Variants in EEIG2 observed in about 807,000 individuals in gnomAD.
EEIG2 encodes the protein EEIG family member 2.
At chr1:108,569,788 T>C in the EEIG2 span, among the ~76,000 whole-genome samples, 1 of 152,190 alleles carries the variant, frequency 6.6e-6, no homozygotes, top group Admixed American at 6.5e-5. Flanking sequence ...TATCCTCTCC[T>C]TCACCCTTCT....
chr1:108,588,777 G>T, the EEIG2 span, among the ~76,000 whole-genome samples: 1 of 147,808 alleles, frequency 6.8e-6, no homozygotes. Flanking sequence ...TATATATTTG[G>T]GATATTAACC....
At chr1:108,632,453 CAT>C in the EEIG2 span, among the ~76,000 whole-genome samples, 1 of 152,044 alleles carries the variant, frequency 6.6e-6, no homozygotes, top group Non-Finnish European at 1.5e-5. Flanking sequence ...ATCAGATTGG[CAT>C]TTTAGAAAAA....
At chr1:108,575,002 C>A in the EEIG2 span, among the ~76,000 whole-genome samples, 1 of 152,234 alleles carries the variant, frequency 6.6e-6, no homozygotes, top group Admixed American at 6.5e-5. Context: ...TCAACTAATG[C>A]GATTTAGTAG....
chr1:108,637,644 AC>A, the EEIG2 span: 18 of 152,156 alleles, frequency 1.2e-4, no homozygotes, highest in Admixed American at 9.2e-4. Context: ...TGTATACAAT[AC>A]TTTTTCTAAT....
chr1:108,578,105 G>A, the EEIG2 span, among the ~76,000 whole-genome samples: 2 of 137,710 alleles, frequency 1.5e-5, no homozygotes, highest in African/African-American at 5.6e-5. Flanking sequence ...CTGTTTGTCT[G>A]TTGTTGGTGT....
the EEIG2 span, chr1:108,612,118 G>A: frequency 8.6e-7 from 1 of 1,158,036 alleles, no homozygotes; most frequent in South Asian, 1.6e-5. Flanking sequence ...TTTATTTTAA[G>A]GAGCATATGA....
the EEIG2 span, among the ~76,000 whole-genome samples, chr1:108,590,633 C>T: frequency 1.3e-5 from 2 of 152,170 alleles, no homozygotes; most frequent in Non-Finnish European, 2.9e-5. Flanking sequence ...TGACAGTTGG[C>T]AGGGAGCAGA....
At chr1:108,560,846 A>G in the EEIG2 span, among the ~76,000 whole-genome samples, 1 of 152,146 alleles carries the variant, frequency 6.6e-6, no homozygotes, top group Non-Finnish European at 1.5e-5. Flanking sequence ...GTTTTCTCTT[A>G]AGACATTTCC....
the EEIG2 span, among the ~76,000 whole-genome samples, chr1:108,572,985 T>A: frequency 2.0e-5 from 3 of 152,380 alleles, no homozygotes; most frequent in Middle Eastern, 0.01. Flanking sequence ...CTGGATATAC[T>A]ATGGTTTACC....
the EEIG2 span, among the ~76,000 whole-genome samples, chr1:108,573,447 A>G: frequency 0.81 from 122,703 of 152,164 alleles, 51,887 homozygotes; most frequent in Non-Finnish European, 0.94. Context: ...AGTACCTCAT[A>G]TAGCCTTGGC....
chr1:108,596,735 CTGTTTTTT>C, the EEIG2 span, among the ~76,000 whole-genome samples: 1 of 150,996 alleles, frequency 6.6e-6, no homozygotes, highest in Non-Finnish European at 1.5e-5. Context: ...TGCTATTTTT[CTGTTTTTT>C]TGTTTTTTTT....
chr1:108,635,302 T>C, the EEIG2 span: 1 of 897,862 alleles, frequency 1.1e-6, no homozygotes, highest in Admixed American at 2.3e-5. Flanking sequence ...CCCACCGCCA[T>C]CCTGTACCAG....
chr1:108,606,864 T>C, the EEIG2 span, among the ~76,000 whole-genome samples: 1 of 152,190 alleles, frequency 6.6e-6, no homozygotes, highest in African/African-American at 2.4e-5. Context: ...GGTCTTGCTA[T>C]GTTACCCAGG....
chr1:108,594,242 C>T, the EEIG2 span, among the ~76,000 whole-genome samples: 1,444 of 152,158 alleles, frequency 9.5e-3, 23 homozygotes, highest in African/African-American at 0.033. Flanking sequence ...CAAGAAACTG[C>T]AAAGAAATAG....
chr1:108,613,911 C>T, the EEIG2 span, among the ~76,000 whole-genome samples: 1 of 152,054 alleles, frequency 6.6e-6, no homozygotes, highest in African/African-American at 2.4e-5. Flanking sequence ...TTTTCCTCCT[C>T]CTCATCTCAG....
chr1:108,606,684 A>T, the EEIG2 span, among the ~76,000 whole-genome samples: 1 of 152,210 alleles, frequency 6.6e-6, no homozygotes, highest in South Asian at 2.1e-4. Context: ...CTTTTTGCTG[A>T]CTAGAAGGAA....
At chr1:108,603,088 A>G in the EEIG2 span, among the ~76,000 whole-genome samples, 1 of 152,222 alleles carries the variant, frequency 6.6e-6, no homozygotes, top group Non-Finnish European at 1.5e-5. Context: ...AAAGCTAGAC[A>G]TAATATCCAA....
chr1:108,571,210 C>T, the EEIG2 span, among the ~76,000 whole-genome samples: 5 of 151,834 alleles, frequency 3.3e-5, no homozygotes, highest in African/African-American at 1.2e-4. Flanking sequence ...GCTTTTAAAC[C>T]CTAAGCTTGA....
the EEIG2 span, among the ~76,000 whole-genome samples, chr1:108,587,993 A>G: frequency 1.3e-5 from 2 of 152,154 alleles, no homozygotes; most frequent in Non-Finnish European, 2.9e-5. Context: ...TTCACTTAGC[A>G]TAATATCCTC....
Sources: gnomAD v4.1 joint callset for allele counts (sites outside exome capture counted in the v4.1 genomes callset) on GRCh38, gnomAD v4.1.1 for gene constraint, MANE v1.5 for transcripts, NCBI Gene and HGNC (gene_info 2026-07-23, HGNC 2026-07-21) for gene names.